Variants in ZPLD1 observed in about 807,000 individuals in gnomAD.
ZPLD1 encodes the protein zona pellucida like domain containing 1.
ZPLD1 carries 34 observed loss-of-function variants against 47.2 expected under a neutral mutation model. The ratio of observed to expected loss-of-function variants is 0.72; its 90% CI spans 0.55 to 0.96. ZPLD1 has a LOEUF of 0.96. Ranked by LOEUF, ZPLD1 falls within the 40% of genes least tolerant of loss-of-function variation. The probability of loss-of-function intolerance (pLI) is 0.00; values close to 1 mark genes in which losing one functional copy is unlikely to be tolerated. For synonymous variants in ZPLD1, 176 were observed against 186.2 expected (o/e 0.95, Z 0.45); for missense variants, 512 against 505.8 (o/e 1.01, Z -0.12).
intron 5 of ZPLD1, 71 bp downstream of exon 5, chr3:102,456,445 C>A: frequency 7.6e-7 from 1 of 1,310,586 alleles, no homozygotes; most frequent in Non-Finnish European, 1.1e-6. Context: ...CTTTCAGGGA[C>A]TTAGAAAGAT....
At chr3:102,404,239 G>A (rs779098590) in intron 7 of ZPLD1, among the ~76,000 whole-genome samples, 20 of 151,864 alleles carry the variant, frequency 1.3e-4, no homozygotes, top group Admixed American at 2.0e-4. Context: ...TTGGATATGC[G>A]TGTAAATAAC....
At chr3:102,408,090 G>A (rs1004010939) in intron 7 of ZPLD1, among the ~76,000 whole-genome samples, 1 of 151,860 alleles carries the variant, frequency 6.6e-6, no homozygotes, top group Admixed American at 6.6e-5. Flanking sequence ...GTAATAGTCT[G>A]CAGGCAGAAA....
intron 7 of ZPLD1, among the ~76,000 whole-genome samples, chr3:102,404,852 C>T (rs538116817): frequency 2.0e-4 from 31 of 151,974 alleles, no homozygotes; most frequent in Non-Finnish European, 4.1e-4. Context: ...ATAACTCCAT[C>T]AGCCAAGTGG....
intron 6 of ZPLD1, among the ~76,000 whole-genome samples, chr3:102,391,322 G>A (rs2107284261): frequency 6.6e-6 from 1 of 152,210 alleles, no homozygotes; most frequent in African/African-American, 2.4e-5. Flanking sequence ...TAATTTTTGG[G>A]TGGCAGATTG....
chr3:102,475,469 T>C (rs181552501), intron 10 of ZPLD1, among the ~76,000 whole-genome samples: 3 of 152,066 alleles, frequency 2.0e-5, no homozygotes, highest in Admixed American at 1.3e-4. Flanking sequence ...GTGTGATTTC[T>C]AAAAAAAAGA....
At chr3:102,421,784 A>G (rs1706882231) in intron 8 of ZPLD1, among the ~76,000 whole-genome samples, 1 of 151,910 alleles carries the variant, frequency 6.6e-6, no homozygotes, top group Non-Finnish European at 1.5e-5. Flanking sequence ...TAGTTACAGA[A>G]CATAAAAATA....
intron 6 of ZPLD1, among the ~76,000 whole-genome samples, chr3:102,459,603 C>T (rs1398075462): frequency 6.6e-6 from 1 of 151,982 alleles, no homozygotes; most frequent in East Asian, 1.9e-4. Flanking sequence ...AGATGATAAC[C>T]TTAATATTTT....
intron 1 of ZPLD1, 108 bp downstream of exon 1, chr3:102,435,262 A>G: frequency 2.4e-6 from 3 of 1,233,128 alleles, no homozygotes; most frequent in Non-Finnish European, 3.6e-6. Flanking sequence ...TGCCAAGACT[A>G]TAGAGATTCA....
chr3:102,436,591 T>G (rs542339524), intron 1 of ZPLD1, among the ~76,000 whole-genome samples: 2 of 152,324 alleles, frequency 1.3e-5, no homozygotes, highest in East Asian at 3.9e-4. Flanking sequence ...TGAATTCTAG[T>G]TCCTCCACTT....
chr3:102,387,618 G>C (rs1706445300), intron 6 of ZPLD1, among the ~76,000 whole-genome samples: 1 of 152,016 alleles, frequency 6.6e-6, no homozygotes, highest in Non-Finnish European at 1.5e-5. Context: ...TATTTCAAAG[G>C]CATTATTGTA....
At chr3:102,430,548 G>A (rs977326527), upstream of ZPLD1, among the ~76,000 whole-genome samples, 5 of 152,156 alleles carry the variant, frequency 3.3e-5, no homozygotes, top group African/African-American at 9.7e-5. Context: ...CCAAAAATAT[G>A]TGAAATAAAT....
At position 102,479,347 on chromosome 3, in the gene ZPLD1, T is replaced by C. The variant is rs988734494; in HGVS notation, c.*1729T>C. 6.6e-6 allele frequency: 1 copy of C among 152,224 alleles called. No individual in the cohort carries two copies. Among genetic ancestry groups the C allele is most frequent in the African/African-American group, 2.4e-5 (1 of 41,474 alleles). 9.4% of individuals were successfully genotyped at this position (152,224 alleles called of 1,614,324 possible). ...TATATACATGGATAGTATTGAAATA[T>C]GCTGGTAAATCTATTTCAGATACTT... On this transcript the variant is annotated 3_prime_UTR_variant, in exon 12 of 12. Coordinates refer to ENST00000466937, the MANE Select transcript of ZPLD1 (RefSeq NM_001329788.2).
intron 10 of ZPLD1, among the ~76,000 whole-genome samples, chr3:102,475,016 C>CA (rs1243897034): frequency 2.6e-5 from 4 of 151,592 alleles, no homozygotes; most frequent in African/African-American, 9.7e-5. Flanking sequence ...TGCAATAATA[C>CA]AAAAATTGGA....
intron 4 of ZPLD1, among the ~76,000 whole-genome samples, chr3:102,453,438 A>T (rs925381522): frequency 2.0e-5 from 3 of 152,192 alleles, no homozygotes; most frequent in Admixed American, 6.5e-5. Flanking sequence ...CATTAGCCAT[A>T]TTCCTCAGGC....
At chr3:102,415,769 A>G (rs988744953) in intron 7 of ZPLD1, among the ~76,000 whole-genome samples, 1 of 151,992 alleles carries the variant, frequency 6.6e-6, no homozygotes, top group Non-Finnish European at 1.5e-5. Flanking sequence ...TCATTTTCTA[A>G]CTGGAGTAAT....
intron 8 of ZPLD1, among the ~76,000 whole-genome samples, chr3:102,466,035 T>C (rs559078725): frequency 6.6e-6 from 1 of 152,150 alleles, no homozygotes; most frequent in East Asian, 1.9e-4. Context: ...CAGTAGAGAA[T>C]GCTCAGAGCC....
chr3:102,389,664 T>A (rs962596150), intron 6 of ZPLD1, among the ~76,000 whole-genome samples: 1 of 152,152 alleles, frequency 6.6e-6, no homozygotes, highest in Non-Finnish European at 1.5e-5. Context: ...AGTGATTTTG[T>A]ATGGGTCTAG....
upstream of ZPLD1, among the ~76,000 whole-genome samples, chr3:102,431,929 A>C (rs1331481282): frequency 6.6e-6 from 1 of 152,128 alleles, no homozygotes; most frequent in Non-Finnish European, 1.5e-5. Context: ...CAAACAAAAA[A>C]CAATAATGAT....
intron 2 of ZPLD1, among the ~76,000 whole-genome samples, chr3:102,437,827 C>A (rs991883924): frequency 6.6e-6 from 1 of 152,194 alleles, no homozygotes; most frequent in Non-Finnish European, 1.5e-5. Flanking sequence ...TACTACCCAC[C>A]AAGGAGCAGT....
Sources: allele counts gnomAD v4.1 joint callset (sites outside exome capture counted in the v4.1 genomes callset), GRCh38; gene constraint gnomAD v4.1.1; transcripts MANE v1.5; gene names NCBI Gene and HGNC (gene_info 2026-07-23, HGNC 2026-07-21).